COL1A1: variants seen among roughly 807,000 people sequenced by gnomAD.
COL1A1 encodes the protein collagen alpha-1(I) chain.
A neutral mutation model predicts 195.7 loss-of-function variants in COL1A1; 21 were observed. The ratio of observed to expected loss-of-function variants is 0.11; its 90% CI spans 0.08 to 0.15. The LOEUF (loss-of-function observed/expected upper bound fraction) is 0.15, where lower values mean the gene tolerates loss of function less well. Among genes scored for constraint, COL1A1 ranks in the 10% least tolerant of loss-of-function variants. COL1A1 has a pLI of 1.00. For missense variants in COL1A1, 1,365 were observed against 2,051.0 expected (o/e 0.67, Z 6.46); for synonymous variants, 749 against 747.3 (o/e 1.00, Z -0.04).
At chr17:50,200,120 C>A (rs1395002382) in intron 1 of COL1A1, 173 bp from the exon 2 acceptor site, 1 of 712,256 alleles carries the variant, frequency 1.4e-6, no homozygotes, top group African/African-American at 1.8e-5. Context: ...CGGGTGACAG[C>A]GCCGAGGCGC....
Position 50,186,054 on chromosome 17 carries a change from G to A in COL1A1, c.4006-34C>T, listed in dbSNP as rs768606617. On this transcript the variant is annotated intron_variant, in intron 49 of 50. Coordinates refer to ENST00000225964, the MANE Select transcript of COL1A1 (RefSeq NM_000088.4). The surrounding 1 kb of genome is among the most constrained non-coding windows in gnomAD (Gnocchi z 5.3). The stretch of plus-strand genomic sequence containing the variant: ...GAGGGGAGAGAGGGAAGAGTGAGCC[G>A]CTATGCGGGAACCTCTAGTCCTGCC... 37 of 1,608,378 alleles carry A rather than the reference G, an allele frequency of 2.3e-5. No homozygotes were observed. The highest frequency in any genetic ancestry group is 6.6e-5 in the South Asian group (6 of 91,020).
chr17:50,184,451 GA>G lies in COL1A1; in HGVS notation c.*1050del, dbSNP rs535610699. 284 of 104,130 alleles carry G rather than the reference GA, an allele frequency of 2.7e-3. 1 individual carries two copies. Among genetic ancestry groups the G allele is most frequent in the African/African-American group, 0.017 (257 of 15,150 alleles). The allele number at this position is 104,130 out of a possible 1,614,324, so 6.5% of individuals were successfully genotyped here. On this transcript the variant is annotated 3_prime_UTR_variant, in exon 51 of 51. Coordinates refer to ENST00000225964, the MANE Select transcript of COL1A1 (RefSeq NM_000088.4). ...CCTCCCATGTTAAATAGCACCTTTA[GA>G]AAAATTCACAAGTCCCCATCCACAA... is the stretch of plus-strand genomic sequence containing the variant.
Position 50,196,360 on chromosome 17 carries a change from C to T in COL1A1, c.911G>A (p.Arg304His), listed in dbSNP as rs1048944367. The change falls in exon 14 of 51, where the codon CGT becomes CAT. Residue 304 changes from arginine to histidine, a missense_variant. By Grantham distance (29) the Arg-to-His change is conservative. This residue lies in a region of COL1A1 where 226 missense variants were observed against 372.9 expected (regional missense o/e 0.61). Transcript: ENST00000225964. ...ENGAPGQMGP[R>H]GLPGERGRPG... ...GCGACCTCTCTCACCAGGCAGGCCA[C>T]GGGGGCCCTGACAACCAAACCAAGA... 2.5e-6 allele frequency: 4 copies of T among 1,613,174 alleles called. No individual in the cohort carries two copies. Among genetic ancestry groups the T allele is most frequent in the South Asian group, 2.2e-5 (2 of 90,996 alleles).
intron 46 of COL1A1, 45 bp downstream of exon 46, chr17:50,187,439 C>G: frequency 1.9e-6 from 3 of 1,609,768 alleles, no homozygotes; most frequent in Admixed American, 1.7e-5. Flanking sequence ...CCGAGGTGAG[C>G]CTGGGCTTGG....
Position 50,191,966 on chromosome 17 carries a change from A to T in COL1A1, c.2028+14T>A. 4 of 1,612,122 alleles carry T rather than the reference A, an allele frequency of 2.5e-6. No individual in the cohort carries two copies. The South Asian group carries it at 3.3e-5, about 13-fold the overall frequency. ...GACGCACCTTGACGGATGCAGCGAGAGAGGCCTACTTACTCTTGCTCCAGA... is the reference window on the plus strand; with the variant it reads ...GACGCACCTTGACGGATGCAGCGAGTGAGGCCTACTTACTCTTGCTCCAGA... On this transcript the variant is annotated intron_variant, in intron 30 of 50. Coordinates refer to ENST00000225964, the MANE Select transcript of COL1A1 (RefSeq NM_000088.4).
rs773957707 is a variant in COL1A1 at position 50,192,644 on chromosome 17, A to G, written c.1925T>C (p.Phe642Ser). The G allele has an allele frequency of 6.2e-7, 1 of 1,614,210 alleles. No individual in the cohort carries two copies. Among genetic ancestry groups the G allele is most frequent in the Non-Finnish European group, 8.5e-7 (1 of 1,180,040 alleles). Residue 642 changes from phenylalanine to serine, a missense_variant, in exon 28 of 51, where the codon TTC becomes TCC. Coordinates refer to ENST00000225964, the MANE Select transcript of COL1A1 (RefSeq NM_000088.4). ...GEQGPAGSPGFQGLPGPAGPP... is the reference protein window; with the variant it reads ...GEQGPAGSPGSQGLPGPAGPP... ...CTGACAGCCATGAGGCCTCACCTGG[A>G]ATCCGGGGGAGCCAGCAGGGCCTTG...
chr17:50,188,869 G>A lies in COL1A1; in HGVS notation c.3045+34C>T. ...TAGGCAAGGCCACAATGGCCATGCT[G>A]AGGGTACTGGCATGGGGGCTGGGGA... On this transcript the variant is annotated intron_variant, in intron 41 of 50. Transcript: ENST00000225964. The surrounding 1 kb of genome is among the most constrained non-coding windows in gnomAD (Gnocchi z 5.6). 6.4e-7 allele frequency: 1 copy of A among 1,563,800 alleles called. No individual in the cohort carries two copies. The highest frequency in any genetic ancestry group is 8.8e-7 in the Non-Finnish European group (1 of 1,134,406).
In COL1A1 at chr17:50,188,376, A is replaced by C; in HGVS notation, c.3207+154T>G. On this transcript the variant is annotated intron_variant, in intron 43 of 50. Coordinates refer to ENST00000225964, the MANE Select transcript of COL1A1 (RefSeq NM_000088.4). This position sits in a 1 kb window ranked among gnomAD's most constrained non-coding sequence, Gnocchi z 5.6. ...GAGAGGGGACTTGGGGCTGAGCTTTAACTCAGTTTTTTGGATTAAGGCCCT... is the reference window on the plus strand; with the variant it reads ...GAGAGGGGACTTGGGGCTGAGCTTTCACTCAGTTTTTTGGATTAAGGCCCT... The C allele has an allele frequency of 1.1e-6, 1 of 892,074 alleles. No homozygotes were observed. The allele number at this position is 892,074 out of a possible 1,614,324, so 55.3% of individuals were successfully genotyped here. A position where few individuals can be genotyped will look rare whatever the true frequency, so the allele number is the denominator to read the frequency against.
At position 50,190,274 on chromosome 17, in the gene COL1A1, G is replaced by C. The variant is rs924339569; in HGVS notation, c.2451+53C>G. The C allele has an allele frequency of 3.6e-6, 5 of 1,386,654 alleles. No individual in the cohort carries two copies. Among genetic ancestry groups the C allele is most frequent in the African/African-American group, 1.4e-5 (1 of 70,294 alleles). 85.9% of individuals were successfully genotyped at this position (1,386,654 alleles called of 1,614,324 possible). ...CGCCTTTGTCCTCATTCCGTCCCTC[G>C]AGGTCCCAGGTCCCAGTCGGTGATG... On this transcript the variant is annotated intron_variant, in intron 35 of 50. Transcript: ENST00000225964. The surrounding 1 kb of genome is among the most constrained non-coding windows in gnomAD (Gnocchi z 4.7).
chr17:50,191,953 C>T (rs201591060), intron 30 of COL1A1, 27 bp downstream of exon 30: 400 of 1,611,448 alleles, frequency 2.5e-4, no homozygotes, highest in Middle Eastern at 1.7e-3. Context: ...CGCACCTTGA[C>T]GGATGCAGCG....
chr17:50,196,145 C>A lies in COL1A1; in HGVS notation c.1002+10G>T, dbSNP rs368316440. 343 of 1,613,926 alleles carry A rather than the reference C, an allele frequency of 2.1e-4. No homozygotes were observed. Among genetic ancestry groups the A allele is most frequent in the Admixed American group, 8.3e-5 (5 of 60,002 alleles). On this transcript the variant is annotated intron_variant, in intron 15 of 50. Transcript: ENST00000225964. ...ACTCCCAGGCCCTGAGGCCTACAGG[C>A]CACACTCACAGGGGGCCCGGCAGCA...
intron 45 of COL1A1, 27 bp downstream of exon 45, chr17:50,187,849 G>A: frequency 6.4e-7 from 1 of 1,557,816 alleles, no homozygotes; most frequent in Non-Finnish European, 8.7e-7. Context: ...ACAGCATGGG[G>A]ACTGGGGAGG....
intron 1 of COL1A1, 108 bp downstream of exon 1, chr17:50,201,303 T>C: frequency 9.7e-7 from 1 of 1,028,864 alleles, no homozygotes; most frequent in Non-Finnish European, 1.5e-6. Context: ...CTCCCTTCCA[T>C]TCCCGAGTCT....
At position 50,186,253 on chromosome 17, in the gene COL1A1, T is replaced by C. The variant is rs1328272630; in HGVS notation, c.4005+64A>G. On this transcript the variant is annotated intron_variant, in intron 49 of 50. Transcript: ENST00000225964. The surrounding 1 kb of genome is among the most constrained non-coding windows in gnomAD (Gnocchi z 5.3). ...AGCAGAGACCTACTCCAGGACTTCA[T>C]GTCCCTTCTGAGCACTGGGCTAGCC... 3 of 1,602,006 alleles carry C rather than the reference T, an allele frequency of 1.9e-6. No individual in the cohort carries two copies. Among genetic ancestry groups the C allele is most frequent in the Non-Finnish European group, 2.6e-6 (3 of 1,172,634 alleles).
At chr17:50,192,719 C>T (rs781543878) in intron 27 of COL1A1, 26 bp from the exon 28 acceptor site, 13 of 1,613,884 alleles carry the variant, frequency 8.1e-6, no homozygotes, top group Middle Eastern at 1.6e-4. Context: ...ACTACAGTCA[C>T]GGGGAGGCCG....
intron 14 of COL1A1, 22 bp from the exon 15 acceptor site, chr17:50,196,221 C>T (rs532373337): frequency 4.3e-6 from 7 of 1,613,922 alleles, no homozygotes; most frequent in African/African-American, 2.7e-5. Context: ...AGGGGAAGCC[C>T]CGTTAAGTCC....
chr17:50,194,407 G>T lies in COL1A1; in HGVS notation c.1556C>A (p.Pro519His), dbSNP rs1179271716. The T allele has an allele frequency of 3.1e-6, 5 of 1,614,172 alleles. No individual in the cohort carries two copies. The highest frequency in any genetic ancestry group is 4.2e-6 in the Non-Finnish European group (5 of 1,180,038). Residue 519 changes from proline to histidine, a missense_variant, in exon 23 of 51, where the codon CCC becomes CAC. Transcript: ENST00000225964. This position sits in a 1 kb window ranked among gnomAD's most constrained non-coding sequence, Gnocchi z 6.8. ...ACCAGCTTCACCAGGAGATCCTTTGGGGCCAGCAGGGCCAGGAGAACCACG... is the reference window on the plus strand; with the variant it reads ...ACCAGCTTCACCAGGAGATCCTTTGTGGCCAGCAGGGCCAGGAGAACCACG... ...GERGSPGPAG[P>H]KGSPGEAGRP... is the part of the protein sequence containing the mutation.
At chr17:50,200,359 A>G (rs1907978102) in intron 1 of COL1A1, among the ~76,000 whole-genome samples, 1 of 151,858 alleles carries the variant, frequency 6.6e-6, no homozygotes, top group Admixed American at 6.6e-5. Flanking sequence ...GAGGGAGGAG[A>G]GAAGGGAGGT....
Position 50,194,308 on chromosome 17 carries a change from T to A in COL1A1, c.1614+41A>T. 6.2e-7 allele frequency: 1 copy of A among 1,610,024 alleles called. No homozygotes were observed. The highest frequency in any genetic ancestry group is 2.2e-5 in the East Asian group (1 of 44,836). On this transcript the variant is annotated intron_variant, in intron 23 of 50. Transcript: ENST00000225964. The surrounding 1 kb of genome is among the most constrained non-coding windows in gnomAD (Gnocchi z 6.8). ...TCATCCCAGACCCTACACGGGATGG[T>A]CAGGGCCTGGCCAAGCCAGGCTGAA...
Sources: allele counts gnomAD v4.1 joint callset (sites outside exome capture counted in the v4.1 genomes callset), GRCh38; gene constraint gnomAD v4.1.1; regional missense constraint gnomAD v4.1.1; non-coding constraint Gnocchi (gnomAD v3.1); transcripts MANE v1.5; gene names NCBI Gene and HGNC (gene_info 2026-07-23, HGNC 2026-07-21).